Variants in SLC43A2 observed in about 807,000 individuals in gnomAD.
The protein encoded by SLC43A2 is solute carrier family 43 member 2, also known as large neutral amino acids transporter small subunit 4.
Under a neutral mutation model 63.2 loss-of-function variants are expected in SLC43A2, and 38 were observed. The observed-to-expected ratio is 0.60, with a 90% CI of 0.46 to 0.79. The LOEUF (loss-of-function observed/expected upper bound fraction) is 0.79, where lower values mean the gene tolerates loss of function less well. Ranked by LOEUF, SLC43A2 falls within the 30% of genes least tolerant of loss-of-function variation. SLC43A2 has a pLI of 0.00. For synonymous variants in SLC43A2, 322 were observed against 331.0 expected (o/e 0.97, Z 0.30); for missense variants, 644 against 756.2 (o/e 0.85, Z 1.74).
At chr17:1,614,400 G>C (rs1047165016) in intron 4 of SLC43A2, among the ~76,000 whole-genome samples, 3 of 127,708 alleles carry the variant, frequency 2.3e-5, no homozygotes, top group African/African-American at 7.9e-5. Flanking sequence ...GACAGAGAGA[G>C]ACCCTGTCTC....
At chr17:1,619,200 G>T (rs1907940110) in intron 2 of SLC43A2, among the ~76,000 whole-genome samples, 1 of 151,542 alleles carries the variant, frequency 6.6e-6, no homozygotes, top group Non-Finnish European at 1.5e-5. Context: ...TACTCGGGAG[G>T]CTGAGACAGG....
chr17:1,602,477 C>T (rs1192573960), intron 5 of SLC43A2, among the ~76,000 whole-genome samples: 1 of 151,966 alleles, frequency 6.6e-6, no homozygotes, highest in Non-Finnish European at 1.5e-5. Context: ...GAAACCTCGT[C>T]TTTACTAAAA....
chr17:1,569,297 C>G lies in SLC43A2; in HGVS notation c.*6307G>C, dbSNP rs1248160362. 4 of 152,366 alleles carry G rather than the reference C, an allele frequency of 2.6e-5. No individual in the cohort carries two copies. Among genetic ancestry groups the G allele is most frequent in the Admixed American group, 2.6e-4 (4 of 15,278 alleles). The allele number at this position is 152,366 out of a possible 1,614,324, so 9.4% of individuals were successfully genotyped here. A position where few individuals can be genotyped will look rare whatever the true frequency, so the allele number is the denominator to read the frequency against. On this transcript the variant is annotated 3_prime_UTR_variant, in exon 14 of 14. Transcript: ENST00000301335. ...TCTCAGCATACATTTATTGAGTGCT[C>G]ACTGTGTGCCAGGAAGTAAGCCAGG...
At chr17:1,589,497 G>A (rs1442838995) in intron 9 of SLC43A2, among the ~76,000 whole-genome samples, 1 of 152,118 alleles carries the variant, frequency 6.6e-6, no homozygotes, top group Middle Eastern at 3.2e-3. Flanking sequence ...GCCCTAAGAG[G>A]TCAAGGCTGC....
In SLC43A2 at chr17:1,571,152, C is replaced by G; in HGVS notation, c.*4452G>C. 1 of 152,268 alleles carries G rather than the reference C, an allele frequency of 6.6e-6. No individual in the cohort carries two copies. 9.4% of individuals were successfully genotyped at this position (152,268 alleles called of 1,614,324 possible). A position where few individuals can be genotyped will look rare whatever the true frequency, so the allele number is the denominator to read the frequency against. ...GCCACCCAGGTGGAGTGTGCTGCAC[C>G]TCCTTCAGTGGCCTTCAGGAGCTCT... On this transcript the variant is annotated 3_prime_UTR_variant, in exon 14 of 14. Coordinates refer to ENST00000301335, the MANE Select transcript of SLC43A2 (RefSeq NM_152346.3). The surrounding 1 kb of genome is among the most constrained non-coding windows in gnomAD (Gnocchi z 5.2).
At chr17:1,624,202 C>G (rs1019387609) in intron 2 of SLC43A2, among the ~76,000 whole-genome samples, 1 of 152,212 alleles carries the variant, frequency 6.6e-6, no homozygotes, top group South Asian at 2.1e-4. Context: ...TGTGGGAGCC[C>G]GAGGTGGGTG....
intron 11 of SLC43A2, among the ~76,000 whole-genome samples, chr17:1,581,223 C>CACACACACACACAA (rs2076008789): frequency 6.6e-6 from 1 of 152,026 alleles, no homozygotes; most frequent in South Asian, 2.1e-4. Context: ...CACACACACG[C>CACACACACACACAA]ACGCTGTGCA....
intron 9 of SLC43A2, among the ~76,000 whole-genome samples, chr17:1,586,659 C>T (rs1195351038): frequency 6.6e-6 from 1 of 152,056 alleles, no homozygotes; most frequent in African/African-American, 2.4e-5. Flanking sequence ...TGCCTCTGCA[C>T]TCCACCCTGG....
At position 1,576,737 on chromosome 17, in the gene SLC43A2, A is replaced by G. The variant is rs1220646116; in HGVS notation, c.1425-17T>C. 2 of 1,606,426 alleles carry G rather than the reference A, an allele frequency of 1.2e-6. No individual in the cohort carries two copies. The highest frequency in any genetic ancestry group is 2.7e-5 in the African/African-American group (2 of 74,850). On this transcript the variant is annotated splice_polypyrimidine_tract_variant and intron_variant, in intron 12 of 13. Coordinates refer to ENST00000301335, the MANE Select transcript of SLC43A2 (RefSeq NM_152346.3). Reference sequence around the variant, plus strand: ...GAGGGGTACCTGCAGGGCAAGCGACAGCTCACAGCCATCCTGCCTCCTGGG... The same window carrying G: ...GAGGGGTACCTGCAGGGCAAGCGACGGCTCACAGCCATCCTGCCTCCTGGG...
rs992310133 is a variant in SLC43A2 at position 1,584,648 on chromosome 17, A to T, written c.1217+1265T>A. ...CTAACACTGTGAAACCCCTGTCTCT[A>T]CTAAAAATATATATTAAAAAAATTA... On this transcript the variant is annotated intron_variant, in intron 10 of 13. Transcript: ENST00000301335. 9.1e-5 allele frequency among the ~76,000 whole-genome samples: 11 copies of T among 120,472 alleles called. No homozygotes were observed. The Admixed American group carries it at 1.1e-3, about 12-fold the overall frequency. 79.0% of individuals were successfully genotyped at this position (120,472 alleles called of 152,430 possible). A position where few individuals can be genotyped will look rare whatever the true frequency, so the allele number is the denominator to read the frequency against.
Position 1,578,938 on chromosome 17 carries a change from G to A in SLC43A2, c.1351-615C>T, listed in dbSNP as rs1048309885. The stretch of plus-strand genomic sequence containing the variant: ...GTGGATCACCTGAGGTCAGGAGTTC[G>A]AAACCAGCCTGGCCAACATGGCGAA... On this transcript the variant is annotated intron_variant, in intron 11 of 13. Coordinates refer to ENST00000301335, the MANE Select transcript of SLC43A2 (RefSeq NM_152346.3). The surrounding 1 kb of genome is among the most constrained non-coding windows in gnomAD (Gnocchi z 6.5). 1.2e-4 allele frequency among the ~76,000 whole-genome samples: 18 copies of A among 152,070 alleles called. No individual in the cohort carries two copies. The highest frequency in any genetic ancestry group is 3.6e-4 in the African/African-American group (15 of 41,532).
At chr17:1,599,281 A>C (rs542622770) in intron 5 of SLC43A2, among the ~76,000 whole-genome samples, 1 of 152,136 alleles carries the variant, frequency 6.6e-6, no homozygotes, top group Admixed American at 6.6e-5. Flanking sequence ...CAGAGGTTGC[A>C]ATGAGCCAAG....
At chr17:1,595,898 G>A (rs181838572) in intron 5 of SLC43A2, among the ~76,000 whole-genome samples, 138 of 152,332 alleles carry the variant, frequency 9.1e-4, no homozygotes, top group Non-Finnish European at 1.8e-3. Flanking sequence ...CTGTTACTGA[G>A]CGGAGGGAGT....
chr17:1,591,731 G>GA, intron 6 of SLC43A2, 32 bp from the exon 7 acceptor site: 1 of 787,144 alleles, frequency 1.3e-6, no homozygotes, highest in South Asian at 1.5e-5. Context: ...GGGTGGGGGG[G>GA]GGAGGGGGCA....
Position 1,574,851 on chromosome 17 carries a change from C to A in SLC43A2, c.*753G>T, listed in dbSNP as rs919517749. ...CTTTCGTCCACCTCCACAAAAGCAG[C>A]TGTGTGTATGTACGGGGTGCCCTGG... On this transcript the variant is annotated 3_prime_UTR_variant, in exon 14 of 14. Coordinates refer to ENST00000301335, the MANE Select transcript of SLC43A2 (RefSeq NM_152346.3). 6.6e-6 allele frequency: 1 copy of A among 152,632 alleles called. No homozygotes were observed. The highest frequency in any genetic ancestry group is 1.5e-5 in the Non-Finnish European group (1 of 68,254). The allele number at this position is 152,632 out of a possible 1,614,324, so 9.5% of individuals were successfully genotyped here.
Position 1,575,715 on chromosome 17 carries a change from G to C in SLC43A2, c.1599C>G (p.Leu533=), listed in dbSNP as rs779179033. The C allele has an allele frequency of 4.3e-6, 7 of 1,613,884 alleles. No individual in the cohort carries two copies. Among genetic ancestry groups the C allele is most frequent in the Admixed American group, 1.7e-5 (1 of 60,020 alleles). Residue 533 remains leucine, a synonymous_variant, in exon 14 of 14, where the codon CTC becomes CTG. Transcript: ENST00000301335. ...LLSLLGFCLP[L]YLICYRRQLE... is the part of the protein sequence containing the mutation. ...GCTGGCGCCGGTAGCAGATCAGGTA[G>C]AGCGGGAGGCAGAAGCCCAGCAGGC...
Position 1,593,392 on chromosome 17 carries a change from C to T in SLC43A2, c.502-113G>A, listed in dbSNP as rs969004608. 2.2e-6 allele frequency: 2 copies of T among 904,014 alleles called. No homozygotes were observed. Among genetic ancestry groups the T allele is most frequent in the Non-Finnish European group, 3.5e-6 (2 of 566,834 alleles). 56.0% of individuals were successfully genotyped at this position (904,014 alleles called of 1,614,324 possible). ...GCCCCTTCTTCACCTGCGCCCCTTCCTGTGTGACTCACAGGGGCATTAGTT... is the reference window on the plus strand; with the variant it reads ...GCCCCTTCTTCACCTGCGCCCCTTCTTGTGTGACTCACAGGGGCATTAGTT... On this transcript the variant is annotated intron_variant, in intron 5 of 13. Transcript: ENST00000301335. This position sits in a 1 kb window ranked among gnomAD's most constrained non-coding sequence, Gnocchi z 5.3.
rs1465353988 is a variant in SLC43A2, at chr17:1,594,669, G to C, written c.502-1390C>G. On this transcript the variant is annotated intron_variant, in intron 5 of 13. Transcript: ENST00000301335. ...GTGGCTCTATCTCGGCTCACTGCAA[G>C]CTCCGCCTCCCAGGTTCACGCCATT... Among the ~76,000 whole-genome samples, 365 of 143,364 alleles carry C rather than the reference G, an allele frequency of 2.5e-3. 6 individuals are homozygous for C. Among genetic ancestry groups the C allele is most frequent in the Admixed American group, 0.02 (291 of 14,264 alleles). 94.1% of individuals were successfully genotyped at this position (143,364 alleles called of 152,430 possible).
In SLC43A2 at chr17:1,591,733, G is replaced by C. The variant is rs767258375; in HGVS notation, c.595-34C>G. 3.0e-5 allele frequency: 18 copies of C among 598,444 alleles called. No homozygotes were observed. In the African/African-American group the frequency reaches 3.4e-4, roughly 11 times the overall value. 37.1% of individuals were successfully genotyped at this position (598,444 alleles called of 1,614,324 possible). A position where few individuals can be genotyped will look rare whatever the true frequency, so the allele number is the denominator to read the frequency against. On this transcript the variant is annotated intron_variant, in intron 6 of 13. Transcript: ENST00000301335. ...CACCGCGGGGACGGGGTGGGGGGGG[G>C]AGGGGGCAGAGTTAGCCCGGGGAGG...
Sources: allele counts gnomAD v4.1 joint callset (sites outside exome capture counted in the v4.1 genomes callset), GRCh38; gene constraint gnomAD v4.1.1; non-coding constraint Gnocchi (gnomAD v3.1); transcripts MANE v1.5; gene names NCBI Gene and HGNC (gene_info 2026-07-23, HGNC 2026-07-21).